The following MNT variants were observed in gnomAD, a reference collection of about 807,000 sequenced individuals.
The protein encoded by MNT is MAX network transcriptional repressor.
A neutral mutation model predicts 40.7 loss-of-function variants in MNT; 13 were observed. The ratio of observed to expected loss-of-function variants is 0.32; its 90% confidence interval spans 0.21 to 0.51. MNT has a LOEUF of 0.51. MNT is among the 20% of genes least tolerant of loss of function. The probability of loss-of-function intolerance (pLI) is 0.98; values close to 1 mark genes in which losing one functional copy is unlikely to be tolerated. For synonymous variants in MNT, 426 were observed against 354.8 expected (o/e 1.20, Z -2.26); for missense variants, 757 against 792.0 (o/e 0.96, Z 0.53).
In MNT at chr17:2,387,644, C is replaced by T; in HGVS notation, c.1006G>A (p.Glu336Lys). 1 of 1,614,030 alleles carries T rather than the reference C, an allele frequency of 6.2e-7. No individual in the cohort carries two copies. Among genetic ancestry groups the T allele is most frequent in the Non-Finnish European group, 8.5e-7 (1 of 1,179,970 alleles). The stretch of plus-strand genomic sequence containing the variant: ...TCCATATCCTCGTCTATGTTGTCCT[C>T]ACCCTCTGTGGGGAACATGGGGCAG... Reference protein sequence around the residue: ...QASTSTASEGEDNIDEDMEED... With the variant: ...QASTSTASEGKDNIDEDMEED... The change falls in exon 6 of 6, where the codon GAG (glutamate) becomes AAG (lysine). Residue 336 changes from glutamate to lysine, a missense_variant. By Grantham distance (56) the Glu-to-Lys change is moderately conservative. Coordinates refer to ENST00000174618, the MANE Select transcript of MNT (RefSeq NM_020310.3).
chr17:2,395,206 G>T lies in MNT; in HGVS notation c.322C>A (p.Pro108Thr). Reference protein sequence around the residue: ...PQPLPPPPPLPAAAQPLPLAP... With the variant: ...PQPLPPPPPLTAAAQPLPLAP... ...AGGGGCAGAGGCTGGGCTGCCGCGG[G>T]CAAGGGTGGGGGTGGGGGTAGAGGC... The change falls in exon 2 of 6, where the codon CCC becomes ACC. Residue 108 changes from proline (P) to threonine (T), a missense_variant. Coordinates refer to ENST00000174618, the MANE Select transcript of MNT (RefSeq NM_020310.3). 1 of 1,466,414 alleles carries T rather than the reference G, an allele frequency of 6.8e-7. No homozygotes were observed. The allele number at this position is 1,466,414 out of a possible 1,614,324, so 90.8% of individuals were successfully genotyped here. A position where few individuals can be genotyped will look rare whatever the true frequency, so the allele number is the denominator to read the frequency against.
intron 4 of MNT, among the ~76,000 whole-genome samples, chr17:2,388,698 G>A (rs886215432): frequency 1.3e-5 from 2 of 152,062 alleles, no homozygotes; most frequent in African/African-American, 2.4e-5. Flanking sequence ...GCCTAGGAAC[G>A]TGCCCCCTGT....
chr17:2,387,807 G>T (rs756315112), intron 5 of MNT, 50 bp downstream of exon 5: 1 of 1,557,794 alleles, frequency 6.4e-7, no homozygotes, highest in South Asian at 1.2e-5. Flanking sequence ...GCTGGAATTT[G>T]AGGTGTAACA....
Position 2,387,870 on chromosome 17 carries a change from G to A in MNT, c.987C>T (p.Thr329=), listed in dbSNP as rs141566297. ...TGQPEDDQAS[T]STASEGEDNI... ...GCTGGGGCTCACCAGAGGCGGTGGA[G>A]GTGGAGGCCTGGTCATCCTCGGGCT... is the stretch of plus-strand genomic sequence containing the variant. The change falls in exon 5 of 6, where the codon ACC becomes ACT. Residue 329 remains threonine (T), a synonymous_variant. Coordinates refer to ENST00000174618, the MANE Select transcript of MNT (RefSeq NM_020310.3). 2 of 1,599,700 alleles carry A rather than the reference G, an allele frequency of 1.3e-6. No individual in the cohort carries two copies. The highest frequency in any genetic ancestry group is 1.7e-6 in the Non-Finnish European group (2 of 1,177,662).
chr17:2,384,300 G>A lies in MNT; in HGVS notation c.*2601C>T, dbSNP rs1415804970. 6.6e-6 allele frequency: 1 copy of A among 152,058 alleles called. No homozygotes were observed. The highest frequency in any genetic ancestry group is 1.5e-5 in the Non-Finnish European group (1 of 67,998). The allele number at this position is 152,058 out of a possible 1,614,324, so 9.4% of individuals were successfully genotyped here. ...CACATAAAAATCTCTACAGTCTGGG[G>A]TCGCTACAGTTTATATTTCAGGAAA... is the stretch of plus-strand genomic sequence containing the variant. On this transcript the variant is annotated 3_prime_UTR_variant, in exon 6 of 6. Coordinates refer to ENST00000174618, the MANE Select transcript of MNT (RefSeq NM_020310.3).
intron 1 of MNT, 142 bp from the exon 2 acceptor site, chr17:2,395,596 A>G: frequency 6.9e-7 from 1 of 1,443,512 alleles, no homozygotes; most frequent in Non-Finnish European, 9.2e-7. Flanking sequence ...CTACCAGCCC[A>G]GCCAGGCACG....
At chr17:2,398,926 T>C (rs2066595265) in intron 1 of MNT, among the ~76,000 whole-genome samples, 1 of 151,860 alleles carries the variant, frequency 6.6e-6, no homozygotes, top group Non-Finnish European at 1.5e-5. Flanking sequence ...CTCCAGTGAC[T>C]CTTGACCTTG....
rs2066435750 is a variant in MNT, at chr17:2,384,228, G to C, written c.*2673C>G. ...TAAAAATACAGTATGTACAAAATTA[G>C]GGTTTTTGTAGTTTTTTTTTTTTTC... On this transcript the variant is annotated 3_prime_UTR_variant, in exon 6 of 6. Transcript: ENST00000174618. The C allele has an allele frequency of 6.6e-6, 1 of 151,432 alleles. No homozygotes were observed. 9.4% of individuals were successfully genotyped at this position (151,432 alleles called of 1,614,324 possible).
rs952908595 is a variant in MNT at position 2,385,708 on chromosome 17, G to C, written c.*1193C>G. The C allele has an allele frequency of 6.6e-6, 1 of 152,398 alleles. No homozygotes were observed. The highest frequency in any genetic ancestry group is 1.5e-5 in the Non-Finnish European group (1 of 68,128). 9.4% of individuals were successfully genotyped at this position (152,398 alleles called of 1,614,324 possible). A position where few individuals can be genotyped will look rare whatever the true frequency, so the allele number is the denominator to read the frequency against. On this transcript the variant is annotated 3_prime_UTR_variant, in exon 6 of 6. Coordinates refer to ENST00000174618, the MANE Select transcript of MNT (RefSeq NM_020310.3). ...GTGTTGAGGGGATGGGAGGACAGAG[G>C]CAAAGGGGCTGGAGCAGAAGCAGCA...
Position 2,398,463 on chromosome 17 carries a change from C to T in MNT, c.73+2177G>A, listed in dbSNP as rs573456059. 2.2e-4 allele frequency among the ~76,000 whole-genome samples: 34 copies of T among 152,366 alleles called. No homozygotes were observed. The East Asian group carries it at 2.5e-3, about 11-fold the overall frequency. On this transcript the variant is annotated intron_variant, in intron 1 of 5. Coordinates refer to ENST00000174618, the MANE Select transcript of MNT (RefSeq NM_020310.3). ...GAAAGCGTTCTGGTCAGCAGGTTCA[C>T]CTGCCATGCCCTTCCTTCCATTCGT...
intron 1 of MNT, among the ~76,000 whole-genome samples, chr17:2,399,491 T>G (rs951928976): frequency 6.6e-6 from 1 of 152,032 alleles, no homozygotes; most frequent in Admixed American, 6.6e-5. Flanking sequence ...ATTCTGAGGG[T>G]TTCCCTTGCC....
chr17:2,387,877 G>T lies in MNT; in HGVS notation c.980C>A (p.Ala327Asp). 1 of 1,600,906 alleles carries T rather than the reference G, an allele frequency of 6.2e-7. No homozygotes were observed. Among genetic ancestry groups the T allele is most frequent in the East Asian group, 2.2e-5 (1 of 44,880 alleles). Residue 327 changes from alanine (A) to aspartate (D), a missense_variant, in exon 5 of 6, where the codon GCC becomes GAC. Physicochemically the swap from Ala to Asp is moderately radical, Grantham distance 126 (BLOSUM62 -2). Transcript: ENST00000174618. The stretch of plus-strand genomic sequence containing the variant: ...CTCACCAGAGGCGGTGGAGGTGGAG[G>T]CCTGGTCATCCTCGGGCTGGCCCGT... ...RQTGQPEDDQ[A>D]STSTASEGED...
At position 2,400,634 on chromosome 17, in the gene MNT, G is replaced by C; in HGVS notation, c.73+6C>G. 6.3e-7 allele frequency: 1 copy of C among 1,579,162 alleles called. No individual in the cohort carries two copies. The highest frequency in any genetic ancestry group is 8.6e-7 in the Non-Finnish European group (1 of 1,166,296). On this transcript the variant is annotated splice_donor_region_variant and intron_variant, in intron 1 of 5. Coordinates refer to ENST00000174618, the MANE Select transcript of MNT (RefSeq NM_020310.3). ...AGTGCCCCAGGGGCCCAGCCCGGCC[G>C]CTCACCACGTGCTCTCTGTTGTTGC...
Position 2,386,961 on chromosome 17 carries a change from G to C in MNT, c.1689C>G (p.Leu563=), listed in dbSNP as rs142461078. ...GCATGGTGACCATGGTCACAGGGTTGAGCACGGTCTGGCCCACCAGCTGGG... is the reference window on the plus strand; with the variant it reads ...GCATGGTGACCATGGTCACAGGGTTCAGCACGGTCTGGCCCACCAGCTGGG... ...HHPQLVGQTV[L]NPVTMVTMPS... is the part of the protein sequence containing the mutation. The change falls in exon 6 of 6, where the codon CTC becomes CTG. Residue 563 remains leucine, a synonymous_variant. Transcript: ENST00000174618. 2.7e-5 allele frequency: 41 copies of C among 1,520,732 alleles called. No individual in the cohort carries two copies. The highest frequency in any genetic ancestry group is 3.2e-5 in the Non-Finnish European group (36 of 1,131,840). The allele number at this position is 1,520,732 out of a possible 1,614,324, so 94.2% of individuals were successfully genotyped here.
intron 4 of MNT, chr17:2,392,837 G>A (rs1465627507): frequency 6.6e-6 from 1 of 151,982 alleles, no homozygotes; most frequent in Non-Finnish European, 1.5e-5. Context: ...CGGCCTGGAG[G>A]CGCGCCAGCC....
chr17:2,387,083 T>C lies in MNT; in HGVS notation c.1567A>G (p.Thr523Ala). 6.4e-7 allele frequency: 1 copy of C among 1,570,518 alleles called. No homozygotes were observed. The highest frequency in any genetic ancestry group is 8.6e-7 in the Non-Finnish European group (1 of 1,158,264). ...CCGTTGACTTGCTGGTGCGAGAGGG[T>C]GTGGGCGATGTGGCTCACTGCCACG... ...QPVAVSHIAH[T>A]LSHQQVNGTA... Residue 523 changes from threonine (T) to alanine (A), a missense_variant, in exon 6 of 6, where the codon ACC becomes GCC. By Grantham distance (58) the Thr-to-Ala change is moderately conservative. Coordinates refer to ENST00000174618, the MANE Select transcript of MNT (RefSeq NM_020310.3).
intron 1 of MNT, among the ~76,000 whole-genome samples, chr17:2,399,106 G>A (rs367941949): frequency 1.3e-5 from 2 of 151,970 alleles, no homozygotes; most frequent in Non-Finnish European, 2.9e-5. Flanking sequence ...AGCAACAATA[G>A]GCAGAGAGAA....
chr17:2,398,033 C>A (rs916277258), intron 1 of MNT, among the ~76,000 whole-genome samples: 5 of 152,268 alleles, frequency 3.3e-5, no homozygotes, highest in African/African-American at 1.2e-4. Context: ...GGCCCAGGTG[C>A]TCTGCAGGCA....
At chr17:2,393,901 A>G in intron 4 of MNT, 142 bp downstream of exon 4, 1 of 438,174 alleles carries the variant, frequency 2.3e-6, no homozygotes, top group Non-Finnish European at 3.8e-6. Context: ...CAGCCGGGCC[A>G]TGTGCTCAGC....
Sources: allele counts gnomAD v4.1 joint callset (sites outside exome capture counted in the v4.1 genomes callset), GRCh38; gene constraint gnomAD v4.1.1; transcripts MANE v1.5; gene names NCBI Gene and HGNC (gene_info 2026-07-23, HGNC 2026-07-21).